PARD3: variants seen among roughly 807,000 people sequenced by gnomAD.
PARD3 encodes the protein par-3 family cell polarity regulator.
In PARD3, 75 loss-of-function variants were observed where a neutral mutation model predicts 155.4. The ratio of observed to expected loss-of-function variants is 0.48; its 90% CI spans 0.40 to 0.58. The LOEUF (loss-of-function observed/expected upper bound fraction) is 0.58, where lower values mean the gene tolerates loss of function less well. PARD3 is among the 20% of genes least tolerant of loss of function. The pLI is 0.00. For missense variants in PARD3, 1,642 were observed against 1,721.7 expected (o/e 0.95, Z 0.82); for synonymous variants, 576 against 610.5 (o/e 0.94, Z 0.83).
At chr10:34,299,384 T>C (rs1325570859) in intron 20 of PARD3, among the ~76,000 whole-genome samples, 2 of 152,270 alleles carry the variant, frequency 1.3e-5, no homozygotes, top group Non-Finnish European at 2.9e-5. Context: ...CAGTTGGTGA[T>C]GGCTTCATGC....
intron 2 of PARD3, among the ~76,000 whole-genome samples, chr10:34,551,676 A>G (rs1035063844): frequency 2.0e-5 from 3 of 152,184 alleles, no homozygotes; most frequent in African/African-American, 7.2e-5. Flanking sequence ...CCAGCAATTA[A>G]GCATAGGTTC....
chr10:34,531,164 G>A (rs2082823606), intron 2 of PARD3, among the ~76,000 whole-genome samples: 1 of 152,072 alleles, frequency 6.6e-6, no homozygotes, highest in South Asian at 2.1e-4. Context: ...ATCTCTTCTG[G>A]ACTTAAATCC....
Position 34,227,856 on chromosome 10 carries a change from T to TA in PARD3, c.3419+41800_3419+41801insT, listed in dbSNP as rs1554814034. On this transcript the variant is annotated intron_variant, in intron 22 of 24. Coordinates refer to ENST00000374788, the MANE Select transcript of PARD3 (RefSeq NM_001184785.2). The stretch of plus-strand genomic sequence containing the variant: ...TATTCCCAGTAATGGGAATTATTTT[T>TA]TATATATATATATATATATATATAT... Among the ~76,000 whole-genome samples, 739 of 82,242 alleles carry TA rather than the reference T, an allele frequency of 9.0e-3. 31 individuals carry two copies. The highest frequency in any genetic ancestry group is 0.014 in the African/African-American group (239 of 16,874). 54.0% of individuals were successfully genotyped at this position (82,242 alleles called of 152,430 possible). A position where few individuals can be genotyped will look rare whatever the true frequency, so the allele number is the denominator to read the frequency against.
intron 2 of PARD3, 94 bp downstream of exon 2, chr10:34,696,224 T>C: frequency 1.4e-6 from 1 of 697,264 alleles, no homozygotes; most frequent in South Asian, 1.8e-5. Context: ...TTAAAGTATG[T>C]GTCTAAAACA....
At chr10:34,319,213 C>T (rs1276992765) in intron 19 of PARD3, among the ~76,000 whole-genome samples, 1 of 151,770 alleles carries the variant, frequency 6.6e-6, no homozygotes, top group Non-Finnish European at 1.5e-5. Flanking sequence ...CTCAGCCCCC[C>T]AAGTAGCTGG....
chr10:34,742,822 T>C (rs2095042731), intron 1 of PARD3, among the ~76,000 whole-genome samples: 2 of 152,206 alleles, frequency 1.3e-5, no homozygotes, highest in South Asian at 2.1e-4. Flanking sequence ...CTTCTCCATA[T>C]TGATCGTGAA....
intron 14 of PARD3, among the ~76,000 whole-genome samples, chr10:34,350,032 A>AC (rs1199629324): frequency 6.6e-6 from 1 of 152,162 alleles, no homozygotes; most frequent in Non-Finnish European, 1.5e-5. Flanking sequence ...CTACCTCTCT[A>AC]CCCATATTTA....
chr10:34,657,392 CA>C (rs1202394558), intron 2 of PARD3, among the ~76,000 whole-genome samples: 3 of 150,734 alleles, frequency 2.0e-5, no homozygotes, highest in South Asian at 4.2e-4. Flanking sequence ...AATTATTGTC[CA>C]AAAAAAAAGT....
At chr10:34,639,803 C>T (rs1297690954) in intron 2 of PARD3, among the ~76,000 whole-genome samples, 1 of 152,028 alleles carries the variant, frequency 6.6e-6, no homozygotes, top group Non-Finnish European at 1.5e-5. Flanking sequence ...GAGATCAAGG[C>T]TGCAGTGAGC....
intron 20 of PARD3, among the ~76,000 whole-genome samples, chr10:34,285,021 C>T (rs1030675290): frequency 3.9e-5 from 6 of 152,168 alleles, no homozygotes; most frequent in African/African-American, 1.2e-4. Context: ...CAGTTTGATA[C>T]TCAAACTTGG....
chr10:34,282,460 T>G (rs1589045049), intron 21 of PARD3, among the ~76,000 whole-genome samples: 1 of 152,202 alleles, frequency 6.6e-6, no homozygotes, highest in East Asian at 1.9e-4. Flanking sequence ...AACCATTATG[T>G]AAAAATCATT....
intron 1 of PARD3, among the ~76,000 whole-genome samples, chr10:34,811,691 G>T (rs1844200404): frequency 1.3e-5 from 2 of 151,480 alleles, no homozygotes; most frequent in Admixed American, 1.3e-4. Context: ...ACTTTTTTTT[G>T]AAAATTGCAC....
rs2078875670 is a variant in PARD3, at chr10:34,478,749, G to A, written c.404-8486C>T. Among the ~76,000 whole-genome samples the A allele has an allele frequency of 2.0e-5, 3 of 152,178 alleles. No homozygotes were observed. The South Asian group carries it at 6.2e-4, about 32-fold the overall frequency. On this transcript the variant is annotated intron_variant, in intron 3 of 24. Coordinates refer to ENST00000374788, the MANE Select transcript of PARD3 (RefSeq NM_001184785.2). ...GTAGAGACAGGTTTTCTCCATGTTGGTCAGGCTGGTCTCAAACTCCCGACC... is the reference window on the plus strand; with the variant it reads ...GTAGAGACAGGTTTTCTCCATGTTGATCAGGCTGGTCTCAAACTCCCGACC...
At chr10:34,545,097 C>T (rs2083937549) in intron 2 of PARD3, among the ~76,000 whole-genome samples, 1 of 152,142 alleles carries the variant, frequency 6.6e-6, no homozygotes. Context: ...AATGCTGTTC[C>T]CTCTTCAAAA....
chr10:34,302,335 C>T (rs957338599), intron 20 of PARD3, among the ~76,000 whole-genome samples: 24 of 152,280 alleles, frequency 1.6e-4, no homozygotes, highest in African/African-American at 5.5e-4. Flanking sequence ...TTACTTTGTA[C>T]CAGGAGGAGT....
chr10:34,157,954 C>T (rs373344956), intron 22 of PARD3, among the ~76,000 whole-genome samples: 1 of 152,204 alleles, frequency 6.6e-6, no homozygotes, highest in Non-Finnish European at 1.5e-5. Context: ...GCAACCAGCA[C>T]AAATGTACAT....
chr10:34,517,822 A>G (rs1332537457), intron 2 of PARD3, among the ~76,000 whole-genome samples: 1 of 152,110 alleles, frequency 6.6e-6, no homozygotes, highest in African/African-American at 2.4e-5. Flanking sequence ...GCTAGAATAA[A>G]CTGGTGCTCA....
chr10:34,630,434 C>CCT (rs1266284180), intron 2 of PARD3, among the ~76,000 whole-genome samples: 3 of 151,300 alleles, frequency 2.0e-5, no homozygotes, highest in African/African-American at 2.4e-5. Context: ...CCTTATCCTC[C>CCT]CTCTCTCTCT....
At chr10:34,467,529 C>T (rs1224382474) in intron 4 of PARD3, among the ~76,000 whole-genome samples, 1 of 152,028 alleles carries the variant, frequency 6.6e-6, no homozygotes, top group Non-Finnish European at 1.5e-5. Flanking sequence ...GGGAGGAACA[C>T]CCAAGTCCAA....
Sources: gnomAD v4.1 joint callset for allele counts (sites outside exome capture counted in the v4.1 genomes callset) on GRCh38, gnomAD v4.1.1 for gene constraint, MANE v1.5 for transcripts, NCBI Gene and HGNC (gene_info 2026-07-23, HGNC 2026-07-21) for gene names.